SLC13A3: variants seen among roughly 807,000 people sequenced by gnomAD.
The protein encoded by SLC13A3 is solute carrier family 13 member 3.
SLC13A3 carries 40 observed loss-of-function variants against 59.0 expected under a neutral mutation model. The observed-to-expected ratio is 0.68, with a 90% confidence interval of 0.53 to 0.88. The LOEUF is 0.88. Ranked by LOEUF, SLC13A3 falls within the 40% of genes least tolerant of loss-of-function variation. The pLI, the probability that SLC13A3 is intolerant of heterozygous loss-of-function variation, is 0.00. For synonymous variants in SLC13A3, 317 were observed against 330.3 expected, an observed-to-expected ratio of 0.96 and a Z score of 0.44; for missense variants, 699 against 783.2, an observed-to-expected ratio of 0.89 and a Z score of 1.28.
intron 5 of SLC13A3, among the ~76,000 whole-genome samples, chr20:46,595,532 C>T (rs1426745331): frequency 6.6e-6 from 1 of 152,202 alleles, no homozygotes; most frequent in Non-Finnish European, 1.5e-5. Flanking sequence ...ATGACGGCCA[C>T]AGACCCATGC....
At chr20:46,643,246 A>G (rs906356674) in intron 1 of SLC13A3, among the ~76,000 whole-genome samples, 4 of 152,242 alleles carry the variant, frequency 2.6e-5, no homozygotes, top group African/African-American at 9.6e-5. Context: ...TACATAATTA[A>G]AACATAATAC....
At chr20:46,669,533 A>T (rs907950152) in intron 1 of SLC13A3, among the ~76,000 whole-genome samples, 12 of 152,104 alleles carry the variant, frequency 7.9e-5, no homozygotes, top group African/African-American at 2.9e-4. Flanking sequence ...CCTCAACTAG[A>T]CTGTTCCCAA....
At chr20:46,566,037 A>G (rs2061976973) in intron 11 of SLC13A3, among the ~76,000 whole-genome samples, 192 bp downstream of exon 11, 1 of 152,112 alleles carries the variant, frequency 6.6e-6, no homozygotes, top group Non-Finnish European at 1.5e-5. Flanking sequence ...GAAAATATTT[A>G]CTCTATGTAT....
At chr20:46,646,943 G>C (rs2062900796) in intron 1 of SLC13A3, among the ~76,000 whole-genome samples, 1 of 152,156 alleles carries the variant, frequency 6.6e-6, no homozygotes, top group Non-Finnish European at 1.5e-5. Context: ...CCATCTTCCT[G>C]GTCATCTACC....
chr20:46,581,188 T>G (rs942334458), intron 9 of SLC13A3, among the ~76,000 whole-genome samples: 5 of 152,056 alleles, frequency 3.3e-5, no homozygotes, highest in African/African-American at 1.2e-4. Flanking sequence ...AAGCCCCAAT[T>G]TGGGGGCTCG....
At chr20:46,639,448 G>A (rs1437756530) in intron 1 of SLC13A3, among the ~76,000 whole-genome samples, 1 of 152,114 alleles carries the variant, frequency 6.6e-6, no homozygotes, top group African/African-American at 2.4e-5. Context: ...AACAGAGTGA[G>A]ACTCTGTCTC....
At chr20:46,655,888 T>C (rs1193902449), upstream of SLC13A3, among the ~76,000 whole-genome samples, 1 of 139,030 alleles carries the variant, frequency 7.2e-6, no homozygotes, top group Non-Finnish European at 1.5e-5. Context: ...TTATACTGTA[T>C]ATAATATATA....
chr20:46,674,950 T>C (rs2063115792), upstream of SLC13A3, among the ~76,000 whole-genome samples: 1 of 151,794 alleles, frequency 6.6e-6, no homozygotes, highest in Non-Finnish European at 1.5e-5. Context: ...GGGATGAGGG[T>C]GCTGTGGGGG....
intron 1 of SLC13A3, among the ~76,000 whole-genome samples, chr20:46,620,234 T>C (rs139026308): frequency 6.6e-6 from 1 of 152,348 alleles, no homozygotes; most frequent in Non-Finnish European, 1.5e-5. Flanking sequence ...GGAAGGTTAG[T>C]ATTATTTTCA....
chr20:46,572,398 G>C (rs1167075974), intron 10 of SLC13A3, among the ~76,000 whole-genome samples: 3 of 152,176 alleles, frequency 2.0e-5, no homozygotes, highest in African/African-American at 7.2e-5. Context: ...ACTCCGGCCA[G>C]CTGCCCAGGG....
intron 9 of SLC13A3, among the ~76,000 whole-genome samples, chr20:46,577,092 A>C (rs4810514): frequency 4.2e-4 from 4 of 9,604 alleles, no homozygotes; most frequent in African/African-American, 8.0e-4. Context: ...CAGATGTATG[A>C]AGCCCACAGG....
rs1012883427 is a variant in SLC13A3 at position 46,639,613 on chromosome 20, C to T, written c.111+11698G>A. Reference sequence around the variant, plus strand: ...GCCCTCTGAGATTTCCAAACTCCCACTCCAGTGTCTGGATGACATCACTGT... The same window carrying T: ...GCCCTCTGAGATTTCCAAACTCCCATTCCAGTGTCTGGATGACATCACTGT... On this transcript the variant is annotated intron_variant, in intron 1 of 12. Transcript: ENST00000279027. Among the ~76,000 whole-genome samples, 3 of 152,360 alleles carry T rather than the reference C, an allele frequency of 2.0e-5. No individual in the cohort carries two copies. The South Asian group carries it at 6.2e-4, about 32-fold the overall frequency.
chr20:46,585,288 A>G lies in SLC13A3; in HGVS notation c.1122-1619T>C, dbSNP rs2062179481. The G allele has an allele frequency of 1.0e-5, 10 of 982,964 alleles. No homozygotes were observed. In the South Asian group the frequency reaches 3.3e-4, roughly 32 times the overall value. 60.9% of individuals were successfully genotyped at this position (982,964 alleles called of 1,614,324 possible). Reference sequence around the variant, plus strand: ...TGCGTATCTGGAATGTCATACACCAAACTGCTCATGGTGATGATCTCTGGG... The same window carrying G: ...TGCGTATCTGGAATGTCATACACCAGACTGCTCATGGTGATGATCTCTGGG... On this transcript the variant is annotated intron_variant, in intron 8 of 12. Coordinates refer to ENST00000279027, the MANE Select transcript of SLC13A3 (RefSeq NM_022829.6).
chr20:46,583,594 G>A lies in SLC13A3; in HGVS notation c.1197C>T (p.Leu399=). The A allele has an allele frequency of 6.2e-7, 1 of 1,613,608 alleles. No homozygotes were observed. Among genetic ancestry groups the A allele is most frequent in the Non-Finnish European group, 8.5e-7 (1 of 1,179,918 alleles). ...LFFFPSQRPS[L]KWWFDFKAPN... ...TACCTTTGAAGTCAAACCACCACTT[G>A]AGAGAGGGCCTTTGGGACGGGAAGA... The change falls in exon 9 of 13, where the codon CTC becomes CTT. Residue 399 remains leucine, a synonymous_variant. Transcript: ENST00000279027.
At chr20:46,638,944 G>T (rs1221633139) in intron 1 of SLC13A3, among the ~76,000 whole-genome samples, 1 of 152,174 alleles carries the variant, frequency 6.6e-6, no homozygotes, top group Non-Finnish European at 1.5e-5. Flanking sequence ...CATGTCTCCT[G>T]GGAGCAAATT....
chr20:46,595,248 G>T (rs413145), intron 5 of SLC13A3, among the ~76,000 whole-genome samples: 24,511 of 152,178 alleles, frequency 0.16, 2,217 homozygotes, highest in East Asian at 0.39. Context: ...AGTTTTAAAA[G>T]CTTAGAAACC....
chr20:46,595,401 C>T (rs1439735744), intron 5 of SLC13A3, among the ~76,000 whole-genome samples: 1 of 152,128 alleles, frequency 6.6e-6, no homozygotes, highest in Non-Finnish European at 1.5e-5. Context: ...CTTTTATCCT[C>T]GTGCCCTGAC....
chr20:46,616,314 C>G (rs1035468825), intron 1 of SLC13A3, among the ~76,000 whole-genome samples: 5 of 152,166 alleles, frequency 3.3e-5, no homozygotes, highest in African/African-American at 4.8e-5. Context: ...AAAAAAGGCA[C>G]TCTTCTGGAG....
chr20:46,666,644 C>A (rs1185931359), intron 1 of SLC13A3, among the ~76,000 whole-genome samples: 1 of 152,078 alleles, frequency 6.6e-6, no homozygotes, highest in East Asian at 1.9e-4. Context: ...GCTGTAACTA[C>A]AGGCGCACAC....
Sources: allele counts gnomAD v4.1 joint callset (sites outside exome capture counted in the v4.1 genomes callset), GRCh38; gene constraint gnomAD v4.1.1; transcripts MANE v1.5; gene names NCBI Gene and HGNC (gene_info 2026-07-23, HGNC 2026-07-21).